SYNE1: variants seen among roughly 807,000 people sequenced by gnomAD.
SYNE1 encodes the protein spectrin repeat containing nuclear envelope protein 1.
SYNE1 carries 616 observed loss-of-function variants against 1,111.0 expected under a neutral mutation model. The ratio of observed to expected loss-of-function variants is 0.55; its 90% CI spans 0.52 to 0.59. The LOEUF is 0.59. Among genes scored for constraint, SYNE1 ranks in the 20% least tolerant of loss-of-function variants. The pLI is 0.00. For synonymous variants in SYNE1, 3,855 were observed against 3,825.8 expected (o/e 1.01, Z -0.28); for missense variants, 10,006 against 10,417.0 (o/e 0.96, Z 1.72).
intron 63 of SYNE1, among the ~76,000 whole-genome samples, chr6:152,363,037 T>C (rs187932961): frequency 3.0e-3 from 447 of 151,060 alleles, no homozygotes; most frequent in South Asian, 8.0e-3. Context: ...CCCGCCACCA[T>C]GCCCGGCTAA....
intron 3 of SYNE1, among the ~76,000 whole-genome samples, chr6:152,577,862 C>A (rs1406368604): frequency 6.6e-6 from 1 of 151,868 alleles, no homozygotes; most frequent in East Asian, 1.9e-4. Context: ...TGCCTACTTG[C>A]AAAATGCTTA....
Position 152,387,379 on chromosome 6 carries a change from G to A in SYNE1, c.8180C>T (p.Thr2727Ile), listed in dbSNP as rs1014393244. Residue 2727 changes from threonine (T) to isoleucine (I), a missense_variant and splice_region_variant, in exon 54 of 146, where the codon ACT (threonine) becomes ATT (isoleucine). Coordinates refer to ENST00000367255, the MANE Select transcript of SYNE1 (RefSeq NM_182961.4). ...CCATTGGCTAATCACAGACTCTAAA[G>A]TGCTAGAATTAATGTCACATATTAA... ...IMSSSVHAQS[T>I]LESVISQWND... 3.1e-6 allele frequency: 5 copies of A among 1,613,882 alleles called. No homozygotes were observed. Among genetic ancestry groups the A allele is most frequent in the Non-Finnish European group, 4.2e-6 (5 of 1,179,862 alleles).
At chr6:152,381,558 G>A (rs767485277) in intron 55 of SYNE1, 196 bp from the exon 56 acceptor site, 1 of 622,592 alleles carries the variant, frequency 1.6e-6, no homozygotes, top group Non-Finnish European at 2.8e-6. Context: ...TAAGGCTTAT[G>A]GCAAAAAAAT....
intron 75 of SYNE1, 106 bp downstream of exon 75, chr6:152,339,135 C>T (rs2096476383): frequency 6.9e-7 from 1 of 1,459,284 alleles, no homozygotes; most frequent in African/African-American, 1.4e-5. Context: ...CCATTACATA[C>T]AGCAAGAACA....
At chr6:152,342,751 T>A (rs1045009663) in intron 74 of SYNE1, among the ~76,000 whole-genome samples, 12 of 152,048 alleles carry the variant, frequency 7.9e-5, no homozygotes, top group African/African-American at 2.9e-4. Context: ...TACAAAAGTT[T>A]AAAAAAAATA....
intron 107 of SYNE1, among the ~76,000 whole-genome samples, chr6:152,241,838 G>A (rs1285637777): frequency 6.6e-6 from 1 of 152,076 alleles, no homozygotes; most frequent in African/African-American, 2.4e-5. Context: ...AGGGTAACTG[G>A]GACCAGGTGG....
rs776812180 is a variant in SYNE1 at position 152,156,065 on chromosome 6, T to C, written c.23823A>G (p.Thr7941=). Residue 7941 remains threonine, a synonymous_variant, in exon 132 of 146, where the codon ACA becomes ACG. Coordinates refer to ENST00000367255, the MANE Select transcript of SYNE1 (RefSeq NM_182961.4). ...ACAGGTTGAGGACAGATGCAACACC[T>C]GTACTGTGCTTCTCTATGTCTCTCT... The part of the protein sequence containing the change: ...ELQRDIEKHS[T]GVASVLNLCE... 1.9e-6 allele frequency: 3 copies of C among 1,614,226 alleles called. No individual in the cohort carries two copies. In the South Asian group the frequency reaches 3.3e-5, roughly 18 times the overall value.
At chr6:152,218,185 C>A (rs1563611683) in intron 121 of SYNE1, 72 bp downstream of exon 121, 51 of 1,551,068 alleles carry the variant, frequency 3.3e-5, no homozygotes, top group Non-Finnish European at 4.4e-5. Context: ...GAGTGAGACT[C>A]CATCTCAAAA....
At chr6:152,226,115 A>G (rs2081517088) in intron 115 of SYNE1, among the ~76,000 whole-genome samples, 1 of 152,192 alleles carries the variant, frequency 6.6e-6, no homozygotes, top group Admixed American at 6.5e-5. Context: ...TTGATATTCT[A>G]CCAGATAAGG....
intron 124 of SYNE1, 89 bp downstream of exon 124, chr6:152,211,405 T>C (rs1180015215): frequency 3.6e-6 from 4 of 1,098,480 alleles, no homozygotes; most frequent in Middle Eastern, 2.0e-4. Flanking sequence ...CTCAGGAAGA[T>C]TGGATATATG....
chr6:152,461,520 G>T, intron 21 of SYNE1, 77 bp downstream of exon 21: 1 of 1,575,130 alleles, frequency 6.3e-7, no homozygotes, highest in Non-Finnish European at 8.7e-7. Context: ...TTTGCCCATG[G>T]GGAGAAGGAG....
At chr6:152,596,857 G>A (rs890262445) in intron 3 of SYNE1, among the ~76,000 whole-genome samples, 1 of 152,132 alleles carries the variant, frequency 6.6e-6, no homozygotes, top group Non-Finnish European at 1.5e-5. Flanking sequence ...GAACTTACCA[G>A]AGCAGTTGGT....
At chr6:152,343,982 G>T (rs905203831) in intron 74 of SYNE1, 99 bp downstream of exon 74, 34 of 1,523,954 alleles carry the variant, frequency 2.2e-5, no homozygotes, top group Non-Finnish European at 3.0e-5. Context: ...TAGATTCCCA[G>T]GAGTCAATAC....
chr6:152,294,185 G>C (rs1244670528), intron 93 of SYNE1, 58 bp from the exon 94 acceptor site: 1 of 1,575,422 alleles, frequency 6.3e-7, no homozygotes, highest in Admixed American at 1.7e-5. Flanking sequence ...AGATTAATAT[G>C]CTCTGGGTAC....
intron 3 of SYNE1, among the ~76,000 whole-genome samples, chr6:152,619,525 T>G (rs1406470680): frequency 6.6e-6 from 1 of 152,168 alleles, no homozygotes; most frequent in Non-Finnish European, 1.5e-5. Flanking sequence ...TTTCATAAAT[T>G]TGAGCCCTGG....
At chr6:152,183,438 T>TA (rs1044268749) in intron 128 of SYNE1, among the ~76,000 whole-genome samples, 6 of 151,794 alleles carry the variant, frequency 4.0e-5, no homozygotes, top group Admixed American at 3.3e-4. Flanking sequence ...CCACCTCTAC[T>TA]AAAAAAACAA....
rs2097194416 is a variant in SYNE1 at position 152,371,905 on chromosome 6, A to AAGGACAGGAC, written c.9507+1131_9507+1132insGTCCTGTCCT. On this transcript the variant is annotated intron_variant, in intron 59 of 145. Transcript: ENST00000367255. ...AAGGAAAGGAAAGGAAAGGAAAGGA[A>AAGGACAGGAC]AGGAAAGGAAAGGAAAGGACAGGAC... Among the ~76,000 whole-genome samples the AAGGACAGGAC allele has an allele frequency of 2.6e-3, 136 of 52,594 alleles. 11 individuals are homozygous for AAGGACAGGAC. Among genetic ancestry groups the AAGGACAGGAC allele is most frequent in the African/African-American group, 7.1e-3 (125 of 17,502 alleles). The allele number at this position is 52,594 out of a possible 152,430, so 34.5% of individuals were successfully genotyped here.
intron 87 of SYNE1, among the ~76,000 whole-genome samples, chr6:152,311,549 T>C (rs201700708): frequency 1.3e-5 from 2 of 152,082 alleles, no homozygotes; most frequent in Non-Finnish European, 2.9e-5. Flanking sequence ...TGACTGCAAC[T>C]TGGGGAAGAT....
chr6:152,336,531 T>A, intron 76 of SYNE1: 1 of 415,778 alleles, frequency 2.4e-6, no homozygotes, highest in South Asian at 2.1e-5. Flanking sequence ...GCAACCTAGA[T>A]CCCTTGCATG....
Sources: allele counts gnomAD v4.1 joint callset (sites outside exome capture counted in the v4.1 genomes callset), GRCh38; gene constraint gnomAD v4.1.1; transcripts MANE v1.5; gene names NCBI Gene and HGNC (gene_info 2026-07-23, HGNC 2026-07-21).